CFAP20DC: variants seen among roughly 807,000 people sequenced by gnomAD.
CFAP20DC encodes the protein protein CFAP20DC.
In CFAP20DC, 84 loss-of-function variants were observed where a neutral mutation model predicts 101.7. That is an observed-to-expected ratio of 0.83 (90% CI 0.69 to 0.99). The LOEUF (loss-of-function observed/expected upper bound fraction) is 0.99, where lower values mean the gene tolerates loss of function less well. CFAP20DC is among the 50% of genes least tolerant of loss of function. The pLI is 0.00. For missense variants in CFAP20DC, 1,007 were observed against 970.3 expected (o/e 1.04, Z -0.50); for synonymous variants, 359 against 351.2 (o/e 1.02, Z -0.25).
At chr3:58,961,456 A>C (rs1384977530) in intron 4 of CFAP20DC, among the ~76,000 whole-genome samples, 1 of 152,156 alleles carries the variant, frequency 6.6e-6, no homozygotes, top group Non-Finnish European at 1.5e-5. Context: ...TGGGAGGCTG[A>C]GGCAGGTGAA....
intron 15 of CFAP20DC, among the ~76,000 whole-genome samples, chr3:58,762,368 T>A (rs992055711): frequency 1.3e-5 from 2 of 152,210 alleles, no homozygotes; most frequent in Non-Finnish European, 2.9e-5. Context: ...ACCCCCGCAT[T>A]TTTTTGTTTT....
chr3:58,785,891 G>C (rs1035234184), intron 15 of CFAP20DC, among the ~76,000 whole-genome samples: 6 of 152,110 alleles, frequency 3.9e-5, no homozygotes, highest in African/African-American at 1.4e-4. Flanking sequence ...GGAGCTCAGA[G>C]ATGGCCACAG....
intron 4 of CFAP20DC, among the ~76,000 whole-genome samples, chr3:59,034,191 G>C (rs2094050478): frequency 6.6e-6 from 1 of 152,102 alleles, no homozygotes; most frequent in African/African-American, 2.4e-5. Context: ...AGCTCCTCAA[G>C]GAAGCACTAA....
intron 14 of CFAP20DC, among the ~76,000 whole-genome samples, chr3:58,817,954 C>G (rs2075323933): frequency 6.6e-6 from 1 of 150,400 alleles, no homozygotes; most frequent in Admixed American, 6.6e-5. Context: ...GGCAGAAACT[C>G]TACAAGCCAG....
At chr3:58,801,106 G>A (rs921919200) in intron 15 of CFAP20DC, among the ~76,000 whole-genome samples, 2 of 149,784 alleles carry the variant, frequency 1.3e-5, no homozygotes, top group African/African-American at 5.1e-5. Flanking sequence ...TGCCTTAGAG[G>A]AACTTGGTGA....
At chr3:59,045,774 A>G (rs1004409558) in intron 3 of CFAP20DC, among the ~76,000 whole-genome samples, 26 of 152,024 alleles carry the variant, frequency 1.7e-4, no homozygotes, top group African/African-American at 6.3e-4. Context: ...CTTCTGATAC[A>G]TTTTTTCTCA....
At chr3:58,752,272 C>T (rs1322143457) in intron 16 of CFAP20DC, among the ~76,000 whole-genome samples, 1 of 152,070 alleles carries the variant, frequency 6.6e-6, no homozygotes, top group African/African-American at 2.4e-5. Flanking sequence ...AACTACAAAC[C>T]ACCCAAGCAT....
chr3:58,876,171 C>G (rs1309315225), intron 7 of CFAP20DC, among the ~76,000 whole-genome samples: 1 of 152,024 alleles, frequency 6.6e-6, no homozygotes, highest in African/African-American at 2.4e-5. Context: ...CCTCGTTAAA[C>G]TTGTTATTAT....
At chr3:58,933,408 T>G (rs2087014939) in intron 5 of CFAP20DC, among the ~76,000 whole-genome samples, 1 of 151,940 alleles carries the variant, frequency 6.6e-6, no homozygotes, top group South Asian at 2.1e-4. Flanking sequence ...AACTCAGCTC[T>G]GCACCAAGCG....
chr3:58,829,229 T>C (rs753702071), intron 14 of CFAP20DC, among the ~76,000 whole-genome samples: 7 of 149,700 alleles, frequency 4.7e-5, no homozygotes, highest in Non-Finnish European at 8.9e-5. Context: ...GATGGGTGCC[T>C]GTAATCCCAG....
chr3:58,991,019 T>C (rs1374811771), intron 4 of CFAP20DC, among the ~76,000 whole-genome samples: 3 of 152,194 alleles, frequency 2.0e-5, no homozygotes, highest in Non-Finnish European at 4.4e-5. Context: ...TCAGCAACTT[T>C]ACTTGGCACA....
chr3:58,753,819 T>C lies in CFAP20DC; in HGVS notation c.2282A>G (p.Gln761Arg), dbSNP rs753188080. 6.2e-7 allele frequency: 1 copy of C among 1,612,984 alleles called. No individual in the cohort carries two copies. Among genetic ancestry groups the C allele is most frequent in the East Asian group, 2.2e-5 (1 of 44,860 alleles). The change falls in exon 16 of 17, where the codon CAA becomes CGA. Residue 761 changes from glutamine (Q) to arginine (R), a missense_variant. By Grantham distance (43) the Gln-to-Arg change is conservative (BLOSUM62 1). Coordinates refer to ENST00000482387, the MANE Select transcript of CFAP20DC (RefSeq NM_001394063.1). ...ATCTGGACGCTGCTCAGCCGGCTGT[T>C]GACTGGGAGGAACGATTGGTGGGCT... ...MLSPPIVPPS[Q>R]QPAEQRPDSC... is the part of the protein sequence containing the mutation.
chr3:58,747,454 T>C (rs2068281134), intron 16 of CFAP20DC, among the ~76,000 whole-genome samples: 1 of 152,198 alleles, frequency 6.6e-6, no homozygotes, highest in East Asian at 1.9e-4. Context: ...ACACCCAAGA[T>C]GTCTCTTCAA....
At chr3:58,748,202 G>T (rs762918409) in intron 16 of CFAP20DC, among the ~76,000 whole-genome samples, 1 of 152,116 alleles carries the variant, frequency 6.6e-6, no homozygotes. Context: ...TTTGTTACAC[G>T]TGAAGGAGGG....
At chr3:58,924,358 T>G (rs905043091) in intron 5 of CFAP20DC, among the ~76,000 whole-genome samples, 2 of 152,154 alleles carry the variant, frequency 1.3e-5, no homozygotes, top group African/African-American at 2.4e-5. Flanking sequence ...GTTATTTTGT[T>G]TAGGATAATG....
At chr3:58,766,058 C>T (rs1055598725) in intron 15 of CFAP20DC, among the ~76,000 whole-genome samples, 4 of 152,084 alleles carry the variant, frequency 2.6e-5, no homozygotes, top group African/African-American at 7.2e-5. Flanking sequence ...CATGGGATAT[C>T]ATGGAAATGG....
intron 4 of CFAP20DC, among the ~76,000 whole-genome samples, chr3:59,025,313 A>G (rs1308563742): frequency 6.6e-6 from 1 of 152,150 alleles, no homozygotes; most frequent in Non-Finnish European, 1.5e-5. Context: ...GAGGCTCCCA[A>G]GGAAAAGCTG....
chr3:58,848,092 C>G (rs1386068983), intron 13 of CFAP20DC, among the ~76,000 whole-genome samples: 1 of 143,934 alleles, frequency 6.9e-6, no homozygotes, highest in Non-Finnish European at 1.5e-5. Flanking sequence ...GGGTGCAGTG[C>G]ACCAGCATGG....
chr3:58,915,486 T>C (rs1025471774), intron 5 of CFAP20DC, among the ~76,000 whole-genome samples: 1 of 152,114 alleles, frequency 6.6e-6, no homozygotes, highest in African/African-American at 2.4e-5. Context: ...ATTCAGCTGG[T>C]TCATCAGTCA....
Sources: gnomAD v4.1 joint callset for allele counts (sites outside exome capture counted in the v4.1 genomes callset) on GRCh38, gnomAD v4.1.1 for gene constraint, MANE v1.5 for transcripts, NCBI Gene and HGNC (gene_info 2026-07-23, HGNC 2026-07-21) for gene names.